Variants in ADGRV1 observed in about 807,000 individuals in gnomAD.
ADGRV1 encodes G-protein coupled receptor 98.
A neutral mutation model predicts 596.2 loss-of-function variants in ADGRV1; 359 were observed. That is an observed-to-expected ratio of 0.60 (90% CI 0.55 to 0.66). The LOEUF is 0.66. ADGRV1 is among the 30% of genes least tolerant of loss of function. The pLI is 0.00. For synonymous variants in ADGRV1, 2,681 were observed against 2,679.2 expected, an observed-to-expected ratio of 1.00 and a Z score of -0.02; for missense variants, 7,274 against 7,575.6, an observed-to-expected ratio of 0.96 and a Z score of 1.48.
chr5:90,820,493 G>T (rs1422099103), intron 75 of ADGRV1, among the ~76,000 whole-genome samples: 1 of 151,968 alleles, frequency 6.6e-6, no homozygotes, highest in Non-Finnish European at 1.5e-5. Context: ...ATTAGTTGAT[G>T]CAGTTTCTTC....
chr5:90,662,735 A>G (rs1004468033), intron 21 of ADGRV1, among the ~76,000 whole-genome samples: 1 of 151,912 alleles, frequency 6.6e-6, no homozygotes, highest in Non-Finnish European at 1.5e-5. Flanking sequence ...AGCATTAGGT[A>G]TATCTCCCAA....
At chr5:90,560,125 A>C (rs555809987) in intron 1 of ADGRV1, among the ~76,000 whole-genome samples, 17 of 152,294 alleles carry the variant, frequency 1.1e-4, no homozygotes, top group Admixed American at 2.6e-4. Context: ...ATTAACACAC[A>C]ATGACTTCGG....
In ADGRV1 at chr5:90,627,289, TCC is replaced by T. The variant is rs745407051; in HGVS notation, c.752_753del (p.Ser251TyrfsTer2). 6.2e-7 allele frequency: 1 copy of T among 1,611,124 alleles called. No homozygotes were observed. The highest frequency in any genetic ancestry group is 8.5e-7 in the Non-Finnish European group (1 of 1,177,946). On this transcript the variant is annotated frameshift_variant, in exon 7 of 90. Coordinates refer to ENST00000405460, the MANE Select transcript of ADGRV1 (RefSeq NM_032119.4). LOFTEE classifies it high-confidence loss of function. ...GGAEINTSRN[S>X]IEIIIKKNDS... ...AGCTGAGATTAACACCTCTAGGAAT[TCC>T]ATTGAGATCATCATTAAGAAAAATG...
intron 83 of ADGRV1, among the ~76,000 whole-genome samples, chr5:90,867,701 T>C (rs1768264658): frequency 2.0e-5 from 3 of 152,140 alleles, no homozygotes; most frequent in African/African-American, 7.2e-5. Context: ...TTGTTGAGAT[T>C]GCCAACTCAA....
chr5:90,949,773 A>C (rs1184751506), intron 83 of ADGRV1, among the ~76,000 whole-genome samples: 1 of 152,206 alleles, frequency 6.6e-6, no homozygotes, highest in African/African-American at 2.4e-5. Context: ...AAAAAAATAA[A>C]ATTATAGAAT....
chr5:91,023,725 T>C (rs1467218372), intron 85 of ADGRV1, among the ~76,000 whole-genome samples: 2 of 152,130 alleles, frequency 1.3e-5, no homozygotes, highest in Non-Finnish European at 2.9e-5. Flanking sequence ...CCTGAAGCCA[T>C]GAGCAAGGCT....
chr5:90,857,734 A>T (rs1767157352), intron 82 of ADGRV1, among the ~76,000 whole-genome samples: 1 of 152,158 alleles, frequency 6.6e-6, no homozygotes, highest in African/African-American at 2.4e-5. Context: ...TCAGGGCTGG[A>T]TGAATTCCCA....
chr5:90,785,900 G>A (rs1050102900), intron 67 of ADGRV1, among the ~76,000 whole-genome samples: 2 of 152,048 alleles, frequency 1.3e-5, no homozygotes, highest in East Asian at 1.9e-4. Context: ...CCCATTACTG[G>A]GTATATACCC....
chr5:90,719,088 C>CT (rs1750553567), intron 43 of ADGRV1, among the ~76,000 whole-genome samples: 1 of 151,980 alleles, frequency 6.6e-6, no homozygotes, highest in African/African-American at 2.4e-5. Flanking sequence ...CTGTAATCTT[C>CT]CGGGGGCTAG....
chr5:90,693,807 A>T, intron 32 of ADGRV1, 83 bp from the exon 33 acceptor site: 1 of 1,041,948 alleles, frequency 9.6e-7, no homozygotes. Flanking sequence ...AAAAAACTAA[A>T]GACCACAGTC....
intron 1 of ADGRV1, among the ~76,000 whole-genome samples, chr5:90,588,371 C>T (rs1011884204): frequency 3.9e-5 from 6 of 152,210 alleles, no homozygotes; most frequent in Non-Finnish European, 8.8e-5. Flanking sequence ...AAAAAATCTT[C>T]ACCTGGAGAT....
intron 77 of ADGRV1, among the ~76,000 whole-genome samples, chr5:90,831,725 G>A (rs374376729): frequency 8.6e-5 from 13 of 151,522 alleles, no homozygotes; most frequent in East Asian, 1.9e-4. Flanking sequence ...CTGCCCCACC[G>A]CCACCACCTT....
In ADGRV1 at chr5:90,703,751, G is replaced by A. The variant is rs1748215885; in HGVS notation, c.8242G>A (p.Glu2748Lys). 1.2e-6 allele frequency: 2 copies of A among 1,604,522 alleles called. No homozygotes were observed. The highest frequency in any genetic ancestry group is 1.1e-5 in the South Asian group (1 of 89,300). The stretch of plus-strand genomic sequence containing the variant: ...CTGGAAAATTATTGGGCAAAATCTA[G>A]AACTCAATTTTGCTAACTTTAGCGG... ...VNWKIIGQNL[E>K]LNFANFSGQL... Residue 2748 changes from glutamate (E) to lysine (K), a missense_variant, in exon 35 of 90, where the codon GAA (glutamate) becomes AAA (lysine). Transcript: ENST00000405460.
intron 26 of ADGRV1, 25 bp downstream of exon 26, chr5:90,679,654 T>G (rs1400780797): frequency 6.5e-7 from 1 of 1,531,610 alleles, no homozygotes. Flanking sequence ...CAAGGTCCTT[T>G]ACTATTATAG....
chr5:91,031,338 C>A, intron 85 of ADGRV1: 2 of 1,288,198 alleles, frequency 1.6e-6, no homozygotes, highest in South Asian at 2.4e-5. Context: ...AGATACAATC[C>A]CACTCCAATC....
chr5:90,737,978 T>C (rs964042056), intron 50 of ADGRV1, among the ~76,000 whole-genome samples: 5 of 151,982 alleles, frequency 3.3e-5, no homozygotes, highest in Non-Finnish European at 7.4e-5. Flanking sequence ...TTGTTTTCTG[T>C]TTGTTTTGTA....
At chr5:90,688,142 A>G (rs1315676962) in intron 29 of ADGRV1, among the ~76,000 whole-genome samples, 1 of 152,114 alleles carries the variant, frequency 6.6e-6, no homozygotes, top group Non-Finnish European at 1.5e-5. Flanking sequence ...CTGACCTCAA[A>G]CTATACTACA....
At chr5:90,712,833 A>G (rs1230009806) in intron 42 of ADGRV1, among the ~76,000 whole-genome samples, 1 of 152,098 alleles carries the variant, frequency 6.6e-6, no homozygotes, top group Non-Finnish European at 1.5e-5. Flanking sequence ...GAACTCCTTT[A>G]GTGTCATCTA....
chr5:90,882,644 G>C (rs1714398320), intron 83 of ADGRV1, among the ~76,000 whole-genome samples: 1 of 152,074 alleles, frequency 6.6e-6, no homozygotes, highest in African/African-American at 2.4e-5. Flanking sequence ...CCCCCTTCCT[G>C]CTTAACCAGA....
Sources: gnomAD v4.1 joint callset for allele counts (sites outside exome capture counted in the v4.1 genomes callset) on GRCh38, gnomAD v4.1.1 for gene constraint, MANE v1.5 for transcripts, NCBI Gene and HGNC (gene_info 2026-07-23, HGNC 2026-07-21) for gene names.